Variants in PEX14 observed in about 807,000 individuals in gnomAD.
PEX14 encodes the protein peroxisomal biogenesis factor 14, also known as peroxisomal membrane protein PEX14.
PEX14 carries 15 observed loss-of-function variants against 49.5 expected under a neutral mutation model. The ratio of observed to expected loss-of-function variants is 0.30; its 90% CI spans 0.20 to 0.47. The LOEUF (loss-of-function observed/expected upper bound fraction) is 0.47. Among genes scored for constraint, PEX14 ranks in the 20% least tolerant of loss-of-function variants. The pLI, the probability that PEX14 is intolerant of heterozygous loss-of-function variation, is 1.00. For missense variants in PEX14, 398 were observed against 494.8 expected (o/e 0.80, Z 1.86); for synonymous variants, 210 against 212.7 (o/e 0.99, Z 0.11).
At chr1:10,627,829 C>T (rs529997557) in intron 8 of PEX14, among the ~76,000 whole-genome samples, 118 of 152,368 alleles carry the variant, frequency 7.7e-4, no homozygotes, top group Non-Finnish European at 1.5e-3. Flanking sequence ...TTGGTTGTCC[C>T]CCTGTTGTCC....
At chr1:10,506,307 G>A (rs563635978) in intron 2 of PEX14, among the ~76,000 whole-genome samples, 30 of 151,994 alleles carry the variant, frequency 2.0e-4, no homozygotes, top group African/African-American at 6.3e-4. Context: ...ATGGAGTTTC[G>A]CTCTTGTTGC....
chr1:10,511,456 CTCCCCTCAGATT>C (rs1490364741), intron 2 of PEX14, among the ~76,000 whole-genome samples: 9 of 152,112 alleles, frequency 5.9e-5, no homozygotes, highest in Non-Finnish European at 2.9e-5. Flanking sequence ...TTGAGCGTGT[CTCCCCTCAGATT>C]TTTGTGTAGG....
chr1:10,577,562 ATTTTTTTTTTTTTTTTTTTTTTTT>A (rs1164876121), intron 3 of PEX14, among the ~76,000 whole-genome samples: 6 of 6,226 alleles, frequency 9.6e-4, no homozygotes, highest in Admixed American at 7.5e-3. Flanking sequence ...ATATATATAT[ATTTTTTTTTTTTTTTTTTTTTTTT>A]TTTTTTTTTT....
At chr1:10,530,492 G>A (rs1638616482) in intron 2 of PEX14, among the ~76,000 whole-genome samples, 2 of 152,192 alleles carry the variant, frequency 1.3e-5, no homozygotes, top group East Asian at 1.9e-4. Context: ...CTGCGGGCTC[G>A]TCCACCTCAA....
intron 4 of PEX14, among the ~76,000 whole-genome samples, chr1:10,616,374 C>T (rs1054112557): frequency 1.2e-4 from 19 of 152,194 alleles, no homozygotes; most frequent in African/African-American, 3.6e-4. Flanking sequence ...CTTACAGGCA[C>T]AGGTGAGAAC....
At chr1:10,493,169 C>T (rs1393791735) in intron 1 of PEX14, among the ~76,000 whole-genome samples, 1 of 152,090 alleles carries the variant, frequency 6.6e-6, no homozygotes, top group African/African-American at 2.4e-5. Context: ...TTGTAGGCCA[C>T]GCTGAGGTTT....
rs941770234 is a variant in PEX14, at chr1:10,630,257, G to A, written c.*270G>A. 4 of 574,512 alleles carry A rather than the reference G, an allele frequency of 7.0e-6. No homozygotes were observed. The highest frequency in any genetic ancestry group is 1.2e-5 in the Non-Finnish European group (4 of 324,570). The allele number at this position is 574,512 out of a possible 1,614,324, so 35.6% of individuals were successfully genotyped here. A position where few individuals can be genotyped will look rare whatever the true frequency, so the allele number is the denominator to read the frequency against. On this transcript the variant is annotated 3_prime_UTR_variant, in exon 9 of 9. Transcript: ENST00000356607. The surrounding 1 kb of genome is among the most constrained non-coding windows in gnomAD (Gnocchi z 4.1). ...GATCTCAAGTCAGGCTGAAGGCAGC[G>A]AAGCCTCGGGGCCCAAGCCCCTCCC... is the stretch of plus-strand genomic sequence containing the variant.
chr1:10,577,562 A>ATAT (rs1640180809), intron 3 of PEX14, among the ~76,000 whole-genome samples: 1 of 6,234 alleles, frequency 1.6e-4, no homozygotes, highest in Admixed American at 3.7e-3. Flanking sequence ...ATATATATAT[A>ATAT]TTTTTTTTTT....
chr1:10,587,879 T>C (rs1429923567), intron 3 of PEX14, among the ~76,000 whole-genome samples: 2 of 142,612 alleles, frequency 1.4e-5, no homozygotes, highest in East Asian at 4.2e-4. Flanking sequence ...GACACACATA[T>C]GTATACACAC....
In PEX14 at chr1:10,591,635, C is replaced by CTGTGTGTGTGTGTG. The variant is rs61635531; in HGVS notation, c.170-7574_170-7561dup. ...CCTCCTTTTCTTTCAGGTATACACA[C>CTGTGTGTGTGTGTG]TGTGTGTGTGTGTGTGTGTGTGTGT... On this transcript the variant is annotated intron_variant, in intron 3 of 8. Transcript: ENST00000356607. 1.4e-4 allele frequency among the ~76,000 whole-genome samples: 20 copies of CTGTGTGTGTGTGTG among 139,738 alleles called. 1 individual carries two copies. The highest frequency in any genetic ancestry group is 2.2e-4 in the Non-Finnish European group (14 of 64,484). The allele number at this position is 139,738 out of a possible 152,430, so 91.7% of individuals were successfully genotyped here.
intron 2 of PEX14, among the ~76,000 whole-genome samples, chr1:10,496,043 G>A (rs1483499726): frequency 6.6e-6 from 1 of 152,178 alleles, no homozygotes; most frequent in East Asian, 1.9e-4. Flanking sequence ...AGCAGGCGTA[G>A]GGCTGTACTG....
rs541001371 is a variant in PEX14, at chr1:10,555,676, C to T, written c.169+19379C>T. Among the ~76,000 whole-genome samples, 15 of 134,466 alleles carry T rather than the reference C, an allele frequency of 1.1e-4. No individual in the cohort carries two copies. In the East Asian group the frequency reaches 1.7e-3, roughly 15 times the overall value. The allele number at this position is 134,466 out of a possible 152,430, so 88.2% of individuals were successfully genotyped here. ...GTGTGTGTGTGTGTGTGCATGCACC[C>T]GTGAGGGTGAGGGGCCGCAGTGCCT... On this transcript the variant is annotated intron_variant, in intron 3 of 8. Coordinates refer to ENST00000356607, the MANE Select transcript of PEX14 (RefSeq NM_004565.3).
rs752754515 is a variant in PEX14, at chr1:10,495,227, A to T, written c.37-47A>T. On this transcript the variant is annotated intron_variant, in intron 1 of 8. Coordinates refer to ENST00000356607, the MANE Select transcript of PEX14 (RefSeq NM_004565.3). The surrounding 1 kb of genome is among the most constrained non-coding windows in gnomAD (Gnocchi z 4.2). ...GAACATCTTTGGTTTTTTGATGTCC[A>T]TTGGGTGGCACTGTGATCTTATTTT... 1.9e-6 allele frequency: 3 copies of T among 1,597,690 alleles called. No homozygotes were observed. Among genetic ancestry groups the T allele is most frequent in the East Asian group, 4.5e-5 (2 of 44,788 alleles).
intron 3 of PEX14, among the ~76,000 whole-genome samples, chr1:10,559,486 C>T (rs1639584997): frequency 2.0e-5 from 3 of 152,104 alleles, no homozygotes; most frequent in Non-Finnish European, 4.4e-5. Context: ...GGAAATAACT[C>T]CCAGTCCCTT....
chr1:10,630,376 T>TA lies in PEX14; in HGVS notation c.*390dup, dbSNP rs1226781756. On this transcript the variant is annotated 3_prime_UTR_variant, in exon 9 of 9. Transcript: ENST00000356607. This position sits in a 1 kb window ranked among gnomAD's most constrained non-coding sequence, Gnocchi z 4.1. ...CACGCATGGCCAGAGCTAGCGTCCC[T>TA]ACTGCCTCCCGACTCCTCAGTGGAG... is the stretch of plus-strand genomic sequence containing the variant. The TA allele has an allele frequency of 1.6e-5, 4 of 244,328 alleles. No homozygotes were observed. The highest frequency in any genetic ancestry group is 3.2e-5 in the Non-Finnish European group (4 of 124,332). 15.1% of individuals were successfully genotyped at this position (244,328 alleles called of 1,614,324 possible).
At chr1:10,619,703 C>T (rs559288271) in intron 5 of PEX14, among the ~76,000 whole-genome samples, 23 of 152,272 alleles carry the variant, frequency 1.5e-4, no homozygotes, top group Middle Eastern at 3.4e-3. Flanking sequence ...CCATGGTATT[C>T]CAGATTCTTC....
chr1:10,623,108 C>A lies in PEX14; in HGVS notation c.474C>A (p.Ser158Arg), dbSNP rs145867351. 1,150 of 1,612,520 alleles carry A rather than the reference C, an allele frequency of 7.1e-4. No individual in the cohort carries two copies. Among genetic ancestry groups the A allele is most frequent in the Middle Eastern group, 1.2e-3 (7 of 6,060 alleles). Residue 158 changes from serine (S) to arginine (R), a missense_variant, in exon 6 of 9, where the codon AGC becomes AGA. By Grantham distance (110) the Ser-to-Arg change is moderately radical. Around this residue, in one of 3 missense-constraint regions of PEX14, gnomAD observed 202 missense variants for 298.5 expected, o/e 0.68. Transcript: ENST00000356607. This position sits in a 1 kb window ranked among gnomAD's most constrained non-coding sequence, Gnocchi z 4.4. ...MEAGLSELSG[S>R]VAQTVTQLQT... Reference sequence around the variant, plus strand: ...CCGGTCTCTCTGAGCTGAGTGGCAGCGTGGCCCAGACAGGTAAAGATTAAT... The same window carrying A: ...CCGGTCTCTCTGAGCTGAGTGGCAGAGTGGCCCAGACAGGTAAAGATTAAT...
intron 3 of PEX14, among the ~76,000 whole-genome samples, chr1:10,574,139 G>GT (rs1640058625): frequency 1.3e-5 from 2 of 152,148 alleles, no homozygotes; most frequent in African/African-American, 2.4e-5. Context: ...CTGGGGGGAA[G>GT]TGTCCCATCA....
chr1:10,616,459 C>G (rs1300035050), intron 4 of PEX14, among the ~76,000 whole-genome samples: 3 of 152,206 alleles, frequency 2.0e-5, no homozygotes, highest in Non-Finnish European at 4.4e-5. Flanking sequence ...TCCCAGAGTT[C>G]AGAACGCTGC....
Sources: allele counts gnomAD v4.1 joint callset (sites outside exome capture counted in the v4.1 genomes callset), GRCh38; gene constraint gnomAD v4.1.1; regional missense constraint gnomAD v4.1.1; non-coding constraint Gnocchi (gnomAD v3.1); transcripts MANE v1.5; gene names NCBI Gene and HGNC (gene_info 2026-07-23, HGNC 2026-07-21).